EFHC1: variants seen among roughly 807,000 people sequenced by gnomAD.
The protein encoded by EFHC1 is EF-hand domain-containing protein 1.
EFHC1 carries 53 observed loss-of-function variants against 69.9 expected under a neutral mutation model. That is an observed-to-expected ratio of 0.76 (90% CI 0.61 to 0.95). The LOEUF (loss-of-function observed/expected upper bound fraction) is 0.95, where lower values mean the gene tolerates loss of function less well. Among genes scored for constraint, EFHC1 ranks in the 40% least tolerant of loss-of-function variants. The pLI, the probability that EFHC1 is intolerant of heterozygous loss-of-function variation, is 0.00. For synonymous variants in EFHC1, 256 were observed against 278.4 expected (o/e 0.92, Z 0.80); for missense variants, 739 against 798.7 (o/e 0.93, Z 0.90).
In EFHC1 at chr6:52,423,930, T is replaced by C. The variant is rs1346969956; in HGVS notation, c.64-16T>C. On this transcript the variant is annotated splice_polypyrimidine_tract_variant and intron_variant, in intron 1 of 10. Transcript: ENST00000371068. ...TTTGTCTAATGTTATTAATGACACATTCTTTTCTTCTTCAGAAAACAGCCT... is the reference window on the plus strand; with the variant it reads ...TTTGTCTAATGTTATTAATGACACACTCTTTTCTTCTTCAGAAAACAGCCT... The C allele has an allele frequency of 1.2e-6, 2 of 1,613,700 alleles. No homozygotes were observed. The highest frequency in any genetic ancestry group is 2.2e-5 in the East Asian group (1 of 44,882).
In EFHC1 at chr6:52,495,420, G is replaced by C. The variant is rs1229827060; in HGVS notation, c.*3079G>C. The C allele has an allele frequency of 2.2e-6, 1 of 454,114 alleles. No homozygotes were observed. The highest frequency in any genetic ancestry group is 4.4e-6 in the Non-Finnish European group (1 of 226,790). 28.1% of individuals were successfully genotyped at this position (454,114 alleles called of 1,614,324 possible). A position where few individuals can be genotyped will look rare whatever the true frequency, so the allele number is the denominator to read the frequency against. ...TCCATCACTCTTGCCTCCTGTGGTA[G>C]AGGAGCTTTGGGCTACTCCTTAACA... On this transcript the variant is annotated 3_prime_UTR_variant, in exon 11 of 11. Coordinates refer to ENST00000371068, the MANE Select transcript of EFHC1 (RefSeq NM_018100.4).
intron 7 of EFHC1, among the ~76,000 whole-genome samples, chr6:52,471,000 T>C (rs955172066): frequency 6.6e-6 from 1 of 152,196 alleles, no homozygotes; most frequent in Non-Finnish European, 1.5e-5. Context: ...GGTGTATGTT[T>C]GTGTGTATGT....
Position 52,497,135 on chromosome 6 carries a change from C to CTCTTCT in EFHC1, c.*4798_*4799insCTTCTT, listed in dbSNP as rs60898192. ...CCCACAAACCCCATGTTAAGAAAACCTCTTTTCCACTTTACTATTAAAGAG... is the reference window on the plus strand; with the variant it reads ...CCCACAAACCCCATGTTAAGAAAACCTCTTCTTCTTTTCCACTTTACTATTAAAGAG... On this transcript the variant is annotated 3_prime_UTR_variant, in exon 11 of 11. Coordinates refer to ENST00000371068, the MANE Select transcript of EFHC1 (RefSeq NM_018100.4). 6.6e-6 allele frequency: 1 copy of CTCTTCT among 151,960 alleles called. No homozygotes were observed. The highest frequency in any genetic ancestry group is 2.4e-5 in the African/African-American group (1 of 41,400). The allele number at this position is 151,960 out of a possible 1,614,324, so 9.4% of individuals were successfully genotyped here. A position where few individuals can be genotyped will look rare whatever the true frequency, so the allele number is the denominator to read the frequency against.
At chr6:52,490,029 A>C in intron 9 of EFHC1, 111 bp from the exon 10 acceptor site, 1 of 1,005,014 alleles carries the variant, frequency 1.0e-6, no homozygotes, top group South Asian at 1.4e-5. Context: ...CTCAGTCTCA[A>C]AGCTGTGATT....
intron 2 of EFHC1, among the ~76,000 whole-genome samples, chr6:52,432,279 A>G (rs1441540794): frequency 1.3e-5 from 2 of 151,638 alleles, no homozygotes; most frequent in Admixed American, 1.3e-4. Flanking sequence ...TTTGTTTTTA[A>G]TTGTATTTTT....
At position 52,494,063 on chromosome 6, in the gene EFHC1, C is replaced by A. The variant is rs564653215; in HGVS notation, c.*1722C>A. On this transcript the variant is annotated 3_prime_UTR_variant, in exon 11 of 11. Transcript: ENST00000371068. Reference sequence around the variant, plus strand: ...TGTTTTGTTTTGTTTTACCCTCAGTCGCTCATAACTATTTAAAACAGTATC... The same window carrying A: ...TGTTTTGTTTTGTTTTACCCTCAGTAGCTCATAACTATTTAAAACAGTATC... 6 of 419,158 alleles carry A rather than the reference C, an allele frequency of 1.4e-5. No individual in the cohort carries two copies. The East Asian group carries it at 4.6e-4, about 32-fold the overall frequency. The allele number at this position is 419,158 out of a possible 1,614,324, so 26.0% of individuals were successfully genotyped here. A position where few individuals can be genotyped will look rare whatever the true frequency, so the allele number is the denominator to read the frequency against.
rs1375172267 is a variant in EFHC1 at position 52,492,603 on chromosome 6, T to C, written c.*262T>C. ...CCACAGGGGGCCCAAATATTTCCTT[T>C]CTTTCTTTTTAAAAAAATAAATTTT... On this transcript the variant is annotated 3_prime_UTR_variant, in exon 11 of 11. Coordinates refer to ENST00000371068, the MANE Select transcript of EFHC1 (RefSeq NM_018100.4). 5.1e-6 allele frequency: 3 copies of C among 586,662 alleles called. No individual in the cohort carries two copies. Among genetic ancestry groups the C allele is most frequent in the South Asian group, 4.6e-5 (3 of 64,988 alleles). 36.3% of individuals were successfully genotyped at this position (586,662 alleles called of 1,614,324 possible).
intron 5 of EFHC1, among the ~76,000 whole-genome samples, chr6:52,464,413 A>C (rs1765247858): frequency 6.6e-6 from 1 of 152,186 alleles, no homozygotes; most frequent in African/African-American, 2.4e-5. Context: ...TTCTCCATGA[A>C]GTCAGGAATT....
intron 2 of EFHC1, among the ~76,000 whole-genome samples, chr6:52,437,346 AGAGTT>A (rs1478814371): frequency 6.6e-6 from 1 of 152,198 alleles, no homozygotes; most frequent in African/African-American, 2.4e-5. Flanking sequence ...TGAAGCTAGT[AGAGTT>A]AAGTCCTTTA....
chr6:52,436,046 T>C (rs1261155273), intron 2 of EFHC1, among the ~76,000 whole-genome samples: 1 of 152,150 alleles, frequency 6.6e-6, no homozygotes, highest in African/African-American at 2.4e-5. Context: ...ATAAAATAAG[T>C]GGGGTTGGGC....
intron 6 of EFHC1, chr6:52,468,776 CT>C (rs1765369303): frequency 6.3e-6 from 1 of 157,902 alleles, no homozygotes; most frequent in African/African-American, 2.4e-5. Context: ...CATTTTCCAT[CT>C]GCTAAATCCA....
At chr6:52,420,511 C>A (rs2113963341) in intron 1 of EFHC1, 38 bp downstream of exon 1, 6 of 1,613,624 alleles carry the variant, frequency 3.7e-6, no homozygotes, top group East Asian at 2.2e-5. Flanking sequence ...CTGTCCCCAC[C>A]TTCCAGCAGC....
Position 52,495,584 on chromosome 6 carries a change from TTTTG to T in EFHC1, c.*3247_*3250del, listed in dbSNP as rs1205960077. On this transcript the variant is annotated 3_prime_UTR_variant, in exon 11 of 11. Coordinates refer to ENST00000371068, the MANE Select transcript of EFHC1 (RefSeq NM_018100.4). ...CTCTAGCCTGCTTTTGGCTGTTTTG[TTTTG>T]TTTTTGTGTTTGTTTTTTAGAGACA... 2 of 454,072 alleles carry T rather than the reference TTTTG, an allele frequency of 4.4e-6. No individual in the cohort carries two copies. Among genetic ancestry groups the T allele is most frequent in the Non-Finnish European group, 8.8e-6 (2 of 226,784 alleles). 28.1% of individuals were successfully genotyped at this position (454,072 alleles called of 1,614,324 possible). A position where few individuals can be genotyped will look rare whatever the true frequency, so the allele number is the denominator to read the frequency against.
Position 52,489,801 on chromosome 6 carries a change from T to A in EFHC1, c.1641-339T>A, listed in dbSNP as rs146962849. ...TTAGTTGTAGATGAGGAAACATTAA[T>A]CTGCAACAGTAGTAAGAGACAATGA... On this transcript the variant is annotated intron_variant, in intron 9 of 10. Transcript: ENST00000371068. 2.9e-3 allele frequency among the ~76,000 whole-genome samples: 438 copies of A among 152,350 alleles called. 4 individuals are homozygous for A. The highest frequency in any genetic ancestry group is 1.0e-2 in the African/African-American group (414 of 41,576).
At chr6:52,480,075 T>G (rs1220281800) in intron 9 of EFHC1, 44 of 596,812 alleles carry the variant, frequency 7.4e-5, no homozygotes, top group South Asian at 3.3e-4. Context: ...ACCCCAAAAC[T>G]TAACTACTAA....
rs1764588785 is a variant in EFHC1 at position 52,438,548 on chromosome 6, A to T, written c.530A>T (p.Tyr177Phe). 18 of 1,614,048 alleles carry T rather than the reference A, an allele frequency of 1.1e-5. No individual in the cohort carries two copies. The highest frequency in any genetic ancestry group is 1.5e-5 in the Non-Finnish European group (18 of 1,179,944). ...DLNRGINITI[Y>F]GKTFRVVDCD... ...AATCGAGGAATAAACATCACAATTT[A>T]TGGCAAAACTTTCCGCGTTGTTGAC... Residue 177 changes from tyrosine (Y) to phenylalanine (F), a missense_variant, in exon 3 of 11, where the codon TAT (tyrosine) becomes TTT (phenylalanine). Tyr to Phe is a conservative substitution (Grantham distance 22). Coordinates refer to ENST00000371068, the MANE Select transcript of EFHC1 (RefSeq NM_018100.4).
intron 5 of EFHC1, among the ~76,000 whole-genome samples, chr6:52,458,975 A>T (rs1237222762): frequency 1.3e-5 from 2 of 152,256 alleles, no homozygotes; most frequent in African/African-American, 4.8e-5. Context: ...ATGCAGGTAG[A>T]GGCCATTATA....
At chr6:52,478,409 AAAACTT>A (rs1314993004) in intron 7 of EFHC1, among the ~76,000 whole-genome samples, 9 of 152,188 alleles carry the variant, frequency 5.9e-5, no homozygotes, top group African/African-American at 2.2e-4. Flanking sequence ...CATGTACCCT[AAAACTT>A]AAACTATAAT....
intron 3 of EFHC1, among the ~76,000 whole-genome samples, chr6:52,442,287 T>C (rs1306400852): frequency 6.6e-6 from 1 of 151,990 alleles, no homozygotes; most frequent in Non-Finnish European, 1.5e-5. Context: ...TAATACCTAG[T>C]TTATTTATTT....
Sources: gnomAD v4.1 joint callset for allele counts (sites outside exome capture counted in the v4.1 genomes callset) on GRCh38, gnomAD v4.1.1 for gene constraint, MANE v1.5 for transcripts, NCBI Gene and HGNC (gene_info 2026-07-23, HGNC 2026-07-21) for gene names.